Variants in AGBL1 observed in about 807,000 individuals in gnomAD.
The protein encoded by AGBL1 is cytosolic carboxypeptidase 4.
A neutral mutation model predicts 118.9 loss-of-function variants in AGBL1; 130 were observed. The observed-to-expected ratio is 1.09, with a 90% CI of 0.95 to 1.26. The LOEUF is 1.26. AGBL1 is among the 50% of genes most tolerant of loss of function. The probability of loss-of-function intolerance (pLI) is 0.00; values close to 1 mark genes in which losing one functional copy is unlikely to be tolerated. For missense variants in AGBL1, 1,584 were observed against 1,298.1 expected (o/e 1.22, Z -3.38); for synonymous variants, 555 against 478.9 (o/e 1.16, Z -2.08).
At chr15:86,813,651 C>T (rs1219541690) in intron 22 of AGBL1, among the ~76,000 whole-genome samples, 1 of 152,092 alleles carries the variant, frequency 6.6e-6, no homozygotes, top group Non-Finnish European at 1.5e-5. Flanking sequence ...TCGTGGGTGG[C>T]AGCATTATTG....
rs114974290 is a variant in AGBL1 at position 86,734,138 on chromosome 15, A to G, written c.3158+59702A>G. On this transcript the variant is annotated intron_variant, in intron 22 of 22. Transcript: ENST00000614907. ...AAATGATCAGGCTATAAGCAACCCT[A>G]GGACATACAGCCATATCTGTTTTGA... Among the ~76,000 whole-genome samples the G allele has an allele frequency of 6.1e-3, 936 of 152,310 alleles. 11 individuals are homozygous for G. The highest frequency in any genetic ancestry group is 0.021 in the African/African-American group (888 of 41,570).
intron 21 of AGBL1, among the ~76,000 whole-genome samples, chr15:86,555,311 C>T (rs1434634334): frequency 3.9e-5 from 6 of 152,272 alleles, no homozygotes; most frequent in African/African-American, 7.2e-5. Flanking sequence ...CCTAAGAATA[C>T]CTGGACCTCC....
intron 22 of AGBL1, among the ~76,000 whole-genome samples, chr15:86,780,102 A>G (rs896938082): frequency 2.6e-5 from 4 of 152,136 alleles, no homozygotes; most frequent in Admixed American, 6.5e-5. Flanking sequence ...TTAAACCTCT[A>G]TTGTCTTACC....
At chr15:86,579,604 C>G (rs2084146023) in intron 21 of AGBL1, among the ~76,000 whole-genome samples, 1 of 152,068 alleles carries the variant, frequency 6.6e-6, no homozygotes, top group Admixed American at 6.5e-5. Context: ...AAAAAAGAGC[C>G]TTATGAGCCA....
At chr15:86,573,056 A>C (rs750124663) in intron 21 of AGBL1, among the ~76,000 whole-genome samples, 1 of 152,228 alleles carries the variant, frequency 6.6e-6, no homozygotes, top group Non-Finnish European at 1.5e-5. Context: ...GTTGGAAGCC[A>C]ATAATTAGAG....
intron 18 of AGBL1, among the ~76,000 whole-genome samples, chr15:86,467,348 G>T (rs577935806): frequency 6.6e-6 from 1 of 152,198 alleles, no homozygotes; most frequent in South Asian, 2.1e-4. Context: ...ATCCAAGGTC[G>T]ACTTCAGACT....
chr15:86,166,486 A>G (rs1295379017), intron 5 of AGBL1, among the ~76,000 whole-genome samples: 1 of 152,148 alleles, frequency 6.6e-6, no homozygotes, highest in African/African-American at 2.4e-5. Flanking sequence ...CACTTTGGAG[A>G]GTCTTCCTTG....
Position 86,271,627 on chromosome 15 carries a change from C to T in AGBL1, c.1996C>T (p.Pro666Ser), listed in dbSNP as rs1328591315. ...TTTCTGATTTTGTGTAGGGATGCAG[C>T]CCACCCTATATTCTGTGAAGGAGGC... ...PNSQFNYGMQ[P>S]TLYSVKEALL... Residue 666 changes from proline (P) to serine (S), a missense_variant, in exon 15 of 23, where the codon CCC becomes TCC. Coordinates refer to ENST00000614907, the MANE Select transcript of AGBL1 (RefSeq NM_001386094.1). The T allele has an allele frequency of 1.2e-6, 2 of 1,610,822 alleles. No homozygotes were observed. Among genetic ancestry groups the T allele is most frequent in the Non-Finnish European group, 1.7e-6 (2 of 1,177,088 alleles).
rs566018188 is a variant in AGBL1, at chr15:86,403,368, A to G, written c.2555+5822A>G. Among the ~76,000 whole-genome samples the G allele has an allele frequency of 1.1e-3, 172 of 152,316 alleles. 4 individuals carry two copies. In the South Asian group the frequency reaches 0.035, roughly 31 times the overall value. ...CATTGTGGAACAGAAGCAAACAGCA[A>G]TAAAGAGCAAAGACTCCACTATAAG... On this transcript the variant is annotated intron_variant, in intron 18 of 22. Coordinates refer to ENST00000614907, the MANE Select transcript of AGBL1 (RefSeq NM_001386094.1).
Position 86,266,368 on chromosome 15 carries a change from T to C in AGBL1, c.1668-6T>C. The stretch of plus-strand genomic sequence containing the variant: ...CCCTTAAAATGTTTTCAATTTTCTT[T>C]TTCAGGATCAGGATATTTGAGGATA... On this transcript the variant is annotated splice_region_variant and splice_polypyrimidine_tract_variant and intron_variant, in intron 11 of 22. Transcript: ENST00000614907. 6.4e-7 allele frequency: 1 copy of C among 1,566,286 alleles called. No individual in the cohort carries two copies. Among genetic ancestry groups the C allele is most frequent in the East Asian group, 2.3e-5 (1 of 43,210 alleles).
At chr15:86,805,812 C>T (rs931794862) in intron 22 of AGBL1, among the ~76,000 whole-genome samples, 1 of 152,174 alleles carries the variant, frequency 6.6e-6, no homozygotes, top group Non-Finnish European at 1.5e-5. Context: ...CAACCATTTA[C>T]TACCCAGTTG....
chr15:86,801,563 T>C (rs760268650), intron 22 of AGBL1, among the ~76,000 whole-genome samples: 11 of 152,262 alleles, frequency 7.2e-5, no homozygotes, highest in Admixed American at 5.2e-4. Flanking sequence ...TAAAGGAAGA[T>C]ACTACATTCC....
At chr15:86,262,376 G>A (rs17665718) in intron 9 of AGBL1, among the ~76,000 whole-genome samples, 5,580 of 152,156 alleles carry the variant, frequency 0.037, 133 homozygotes, top group Middle Eastern at 0.082. Flanking sequence ...AGTCGGTGCT[G>A]ATTAAATGTT....
intron 22 of AGBL1, among the ~76,000 whole-genome samples, chr15:86,740,247 G>A (rs1032137159): frequency 2.0e-5 from 3 of 152,094 alleles, no homozygotes; most frequent in African/African-American, 7.2e-5. Flanking sequence ...CCCCATACTG[G>A]GATTGCCCCA....
intron 21 of AGBL1, among the ~76,000 whole-genome samples, chr15:86,593,538 A>G (rs1214371924): frequency 6.6e-6 from 1 of 151,976 alleles, no homozygotes; most frequent in Non-Finnish European, 1.5e-5. Flanking sequence ...CTGGCATGAG[A>G]CTCATTATTT....
rs1341352977 is a variant in AGBL1, at chr15:86,271,629, C to A, written c.1998C>A (p.Pro666=). ...TCTGATTTTGTGTAGGGATGCAGCC[C>A]ACCCTATATTCTGTGAAGGAGGCTC... ...PNSQFNYGMQ[P]TLYSVKEALL... Residue 666 remains proline, a synonymous_variant, in exon 15 of 23, where the codon CCC becomes CCA. Transcript: ENST00000614907. 6.2e-7 allele frequency: 1 copy of A among 1,611,290 alleles called. No homozygotes were observed. The highest frequency in any genetic ancestry group is 8.5e-7 in the Non-Finnish European group (1 of 1,177,538).
chr15:86,411,476 G>A (rs2081619588), intron 18 of AGBL1, among the ~76,000 whole-genome samples: 1 of 152,230 alleles, frequency 6.6e-6, no homozygotes, highest in South Asian at 2.1e-4. Flanking sequence ...TATATACTTT[G>A]ATAATGCAGA....
chr15:86,437,166 G>C (rs1211106331), intron 18 of AGBL1, among the ~76,000 whole-genome samples: 1 of 152,144 alleles, frequency 6.6e-6, no homozygotes, highest in East Asian at 1.9e-4. Flanking sequence ...AGAAGGTATG[G>C]ACTAGAGAAG....
At chr15:86,537,717 C>T (rs1441809906) in intron 19 of AGBL1, among the ~76,000 whole-genome samples, 2 of 152,170 alleles carry the variant, frequency 1.3e-5, no homozygotes, top group African/African-American at 4.8e-5. Context: ...TTTGAGATAT[C>T]ACACATCACT....
Sources: gnomAD v4.1 joint callset for allele counts (sites outside exome capture counted in the v4.1 genomes callset) on GRCh38, gnomAD v4.1.1 for gene constraint, MANE v1.5 for transcripts, NCBI Gene and HGNC (gene_info 2026-07-23, HGNC 2026-07-21) for gene names.